The following THSD4 variants were observed in gnomAD, a reference collection of about 807,000 sequenced individuals.
The protein encoded by THSD4 is thrombospondin type 1 domain containing 4.
In THSD4, 69 loss-of-function variants were observed where a neutral mutation model predicts 119.0. The observed-to-expected ratio is 0.58, with a 90% CI of 0.48 to 0.71. The LOEUF (loss-of-function observed/expected upper bound fraction) is 0.71, where lower values mean the gene tolerates loss of function less well. Among genes scored for constraint, THSD4 ranks in the 30% least tolerant of loss-of-function variants. The probability of loss-of-function intolerance (pLI) is 0.00; values close to 1 mark genes in which losing one functional copy is unlikely to be tolerated. For missense variants in THSD4, 1,393 were observed against 1,391.1 expected (o/e 1.00, Z -0.02); for synonymous variants, 524 against 540.4 (o/e 0.97, Z 0.42).
At chr15:71,595,501 G>A (rs565899606) in intron 7 of THSD4, among the ~76,000 whole-genome samples, 1 of 152,116 alleles carries the variant, frequency 6.6e-6, no homozygotes, top group Non-Finnish European at 1.5e-5. Flanking sequence ...ATGATTCGGA[G>A]GCCTACCCAG....
intron 4 of THSD4, among the ~76,000 whole-genome samples, chr15:71,240,643 T>C (rs2044143935): frequency 6.6e-6 from 1 of 152,186 alleles, no homozygotes; most frequent in Non-Finnish European, 1.5e-5. Flanking sequence ...AGTACTTACT[T>C]TGAGGCTAAA....
chr15:71,282,278 C>G (rs1024585280), intron 6 of THSD4, among the ~76,000 whole-genome samples: 1 of 152,068 alleles, frequency 6.6e-6, no homozygotes, highest in East Asian at 1.9e-4. Flanking sequence ...TAAACCGTGG[C>G]GTCCAGCAGT....
intron 6 of THSD4, among the ~76,000 whole-genome samples, chr15:71,294,165 ATCTT>A (rs1378989302): frequency 1.3e-5 from 2 of 152,104 alleles, no homozygotes; most frequent in Non-Finnish European, 2.9e-5. Context: ...TCTCAAGTTC[ATCTT>A]TCTTTCTCCA....
Position 71,739,016 on chromosome 15 carries a change from C to A in THSD4, c.1906+1009C>A, listed in dbSNP as rs148583631. ...GGAATACACTCATGTACTTCAAGAT[C>A]TAAAATTTAATCTCCAAGTCAGGGT... is the stretch of plus-strand genomic sequence containing the variant. On this transcript the variant is annotated intron_variant, in intron 11 of 17. Coordinates refer to ENST00000261862, the MANE Select transcript of THSD4 (RefSeq NM_024817.3). 2.6e-3 allele frequency among the ~76,000 whole-genome samples: 392 copies of A among 150,388 alleles called. 5 individuals are homozygous for A. Among genetic ancestry groups the A allele is most frequent in the East Asian group, 8.2e-3 (41 of 4,998 alleles).
rs532978145 is a variant in THSD4 at position 71,544,596 on chromosome 15, G to A, written c.1153-115934G>A. 2.0e-5 allele frequency among the ~76,000 whole-genome samples: 3 copies of A among 152,290 alleles called. No homozygotes were observed. The South Asian group carries it at 6.2e-4, about 32-fold the overall frequency. On this transcript the variant is annotated intron_variant, in intron 7 of 17. Transcript: ENST00000261862. Reference sequence around the variant, plus strand: ...TGTCACCACTATGGAGAACAGTTTGGTAGCTTCTCAAAAAGTTAAACATAG... The same window carrying A: ...TGTCACCACTATGGAGAACAGTTTGATAGCTTCTCAAAAAGTTAAACATAG...
At chr15:71,681,323 T>C (rs1341557769) in intron 8 of THSD4, among the ~76,000 whole-genome samples, 2 of 152,204 alleles carry the variant, frequency 1.3e-5, no homozygotes, top group East Asian at 1.9e-4. Context: ...AATAAATACC[T>C]TTCCAAAAGC....
chr15:71,748,303 T>G (rs2053377974), intron 13 of THSD4, 118 bp from the exon 14 acceptor site: 4 of 1,263,104 alleles, frequency 3.2e-6, no homozygotes, highest in East Asian at 4.9e-5. Context: ...GCTGGTGACA[T>G]GCATGACAGA....
chr15:71,388,055 A>G (rs1241177063), intron 6 of THSD4, among the ~76,000 whole-genome samples: 1 of 152,252 alleles, frequency 6.6e-6, no homozygotes, highest in Non-Finnish European at 1.5e-5. Flanking sequence ...ACACATAAAC[A>G]GAAGACAAAT....
chr15:71,265,291 A>AG (rs1235143982), intron 6 of THSD4, among the ~76,000 whole-genome samples: 1 of 152,138 alleles, frequency 6.6e-6, no homozygotes, highest in African/African-American at 2.4e-5. Flanking sequence ...CAGTAGGTAC[A>AG]GCCCACGGAG....
chr15:71,723,419 T>G (rs2052760300), intron 8 of THSD4, among the ~76,000 whole-genome samples: 1 of 152,228 alleles, frequency 6.6e-6, no homozygotes, highest in Non-Finnish European at 1.5e-5. Flanking sequence ...GAGCCTCTTT[T>G]CATTTGCTTA....
At chr15:71,752,075 T>C (rs2053457958) in intron 14 of THSD4, among the ~76,000 whole-genome samples, 1 of 152,228 alleles carries the variant, frequency 6.6e-6, no homozygotes, top group African/African-American at 2.4e-5. Flanking sequence ...ACAGTCATTT[T>C]GTTGCCATGA....
intron 6 of THSD4, among the ~76,000 whole-genome samples, chr15:71,318,590 T>C (rs781058183): frequency 1.4e-4 from 22 of 151,974 alleles, no homozygotes; most frequent in East Asian, 3.9e-4. Context: ...GGTTCAAGAG[T>C]TGTTAAGGTG....
intron 7 of THSD4, among the ~76,000 whole-genome samples, chr15:71,493,837 A>G (rs1469770253): frequency 2.0e-5 from 3 of 152,242 alleles, no homozygotes; most frequent in South Asian, 4.1e-4. Context: ...TATTGCCATC[A>G]TCATAGCTGG....
rs148758652 is a variant in THSD4, at chr15:71,332,990, C to T, written c.1015+76275C>T. ...TATTCCAGTGTGGCCCAGGGAAGAT[C>T]GGACACCTCTGCCTTTAAGCTTGGT... On this transcript the variant is annotated intron_variant, in intron 6 of 17. Coordinates refer to ENST00000261862, the MANE Select transcript of THSD4 (RefSeq NM_024817.3). Among the ~76,000 whole-genome samples, 203 of 143,060 alleles carry T rather than the reference C, an allele frequency of 1.4e-3. 3 individuals are homozygous for T. In the East Asian group the frequency reaches 0.015, roughly 10 times the overall value. The allele number at this position is 143,060 out of a possible 152,430, so 93.9% of individuals were successfully genotyped here.
chr15:71,627,887 G>C (rs2050539610), intron 7 of THSD4, among the ~76,000 whole-genome samples: 1 of 152,158 alleles, frequency 6.6e-6, no homozygotes, highest in Admixed American at 6.5e-5. Flanking sequence ...TTCATGTGGG[G>C]GTTACCAGCA....
chr15:71,282,249 G>C (rs1278660322), intron 6 of THSD4, among the ~76,000 whole-genome samples: 2 of 152,174 alleles, frequency 1.3e-5, no homozygotes, highest in South Asian at 2.1e-4. Context: ...CCCAAATGAG[G>C]AATGTTTGGC....
intron 8 of THSD4, among the ~76,000 whole-genome samples, chr15:71,697,529 G>A (rs1449487486): frequency 6.6e-6 from 1 of 152,226 alleles, no homozygotes; most frequent in Admixed American, 6.5e-5. Context: ...AAGAAGTAGG[G>A]CACATCCAAG....
At chr15:71,414,065 G>A (rs763770686) in intron 7 of THSD4, among the ~76,000 whole-genome samples, 4 of 152,224 alleles carry the variant, frequency 2.6e-5, no homozygotes, top group East Asian at 1.9e-4. Context: ...CCTGCCCTCC[G>A]AAGTCGGATT....
chr15:71,265,768 G>T (rs370476036), intron 6 of THSD4, among the ~76,000 whole-genome samples: 27 of 152,310 alleles, frequency 1.8e-4, no homozygotes, highest in East Asian at 7.7e-4. Flanking sequence ...AGCTTTGTGG[G>T]GGGGGAGGGG....
Sources: gnomAD v4.1 joint callset for allele counts (sites outside exome capture counted in the v4.1 genomes callset) on GRCh38, gnomAD v4.1.1 for gene constraint, MANE v1.5 for transcripts, NCBI Gene and HGNC (gene_info 2026-07-23, HGNC 2026-07-21) for gene names.